Variants in RHBDL3 observed in about 807,000 individuals in gnomAD.
RHBDL3 encodes rhomboid like 3.
Under a neutral mutation model 48.2 loss-of-function variants are expected in RHBDL3, and 28 were observed. The observed-to-expected ratio is 0.58, with a 90% CI of 0.43 to 0.80. RHBDL3 has a LOEUF of 0.80. RHBDL3 is among the 30% of genes least tolerant of loss of function. The pLI is 0.00. For synonymous variants in RHBDL3, 208 were observed against 232.3 expected (o/e 0.90, Z 0.95); for missense variants, 464 against 542.7 (o/e 0.85, Z 1.44).
chr17:32,296,775 TTTTTA>T (rs140902896), intron 5 of RHBDL3, among the ~76,000 whole-genome samples: 53,999 of 140,870 alleles, frequency 0.38, 10,939 homozygotes, highest in Non-Finnish European at 0.43. Context: ...CCGTAGCTCT[TTTTTA>T]TTTTATTTTA....
chr17:32,284,916 C>T (rs2040158426), intron 3 of RHBDL3, 99 bp downstream of exon 3: 2 of 1,100,350 alleles, frequency 1.8e-6, no homozygotes, highest in Admixed American at 2.1e-5. Context: ...ATCTGTTGGC[C>T]TGCAGCATTG....
At chr17:32,300,523 C>T (rs1349446869) in intron 6 of RHBDL3, among the ~76,000 whole-genome samples, 2 of 152,046 alleles carry the variant, frequency 1.3e-5, no homozygotes, top group Non-Finnish European at 2.9e-5. Context: ...CACTGCACTC[C>T]AGCCTGGGTG....
chr17:32,295,186 G>A (rs2040419888), intron 5 of RHBDL3, among the ~76,000 whole-genome samples: 1 of 152,196 alleles, frequency 6.6e-6, no homozygotes, highest in Non-Finnish European at 1.5e-5. Flanking sequence ...GCCCTGGAGT[G>A]GGAACTGGGA....
intron 6 of RHBDL3, among the ~76,000 whole-genome samples, chr17:32,298,877 T>C (rs946623593): frequency 6.6e-6 from 1 of 152,158 alleles, no homozygotes; most frequent in Non-Finnish European, 1.5e-5. Context: ...TCATGGATAG[T>C]GGCCAGAGTG....
intron 8 of RHBDL3, 137 bp downstream of exon 8, chr17:32,316,429 A>G: frequency 3.1e-6 from 2 of 635,662 alleles, no homozygotes; most frequent in South Asian, 2.1e-5. Flanking sequence ...GCAAAAAAGT[A>G]GGGATATTGT....
At chr17:32,316,490 A>G (rs1045627135) in intron 8 of RHBDL3, among the ~76,000 whole-genome samples, 198 bp downstream of exon 8, 14 of 151,824 alleles carry the variant, frequency 9.2e-5, no homozygotes, top group Non-Finnish European at 2.1e-4. Flanking sequence ...TCTTTTATTT[A>G]TTTATCTATT....
At chr17:32,307,697 TTGCACA>T (rs963743349) in intron 7 of RHBDL3, among the ~76,000 whole-genome samples, 51 of 152,120 alleles carry the variant, frequency 3.4e-4, no homozygotes, top group African/African-American at 1.2e-3. Context: ...GCAGGTGTGT[TTGCACA>T]TGCACACACT....
chr17:32,314,556 G>A (rs2040924744), intron 7 of RHBDL3, among the ~76,000 whole-genome samples: 1 of 152,154 alleles, frequency 6.6e-6, no homozygotes, highest in African/African-American at 2.4e-5. Context: ...GCAAACAACA[G>A]CAAGAAGAAC....
intron 2 of RHBDL3, among the ~76,000 whole-genome samples, chr17:32,278,125 T>A (rs983024561): frequency 3.3e-5 from 5 of 151,990 alleles, no homozygotes; most frequent in African/African-American, 1.2e-4. Flanking sequence ...TGGTGAAACC[T>A]CGTCTCTACT....
In RHBDL3 at chr17:32,288,809, C is replaced by T; in HGVS notation, c.312C>T (p.Ser104=). Residue 104 remains serine, a synonymous_variant, in exon 4 of 9, where the codon TCC becomes TCT. Transcript: ENST00000269051. The part of the protein sequence containing the change: ...DFVSLMSNKR[S]NSFRQAILQG... ...CTGCACAGATGAGCAACAAGCGTTC[C>T]AACAGCTTCCGCCAAGCCATCCTGC... The T allele has an allele frequency of 6.2e-7, 1 of 1,612,484 alleles. No individual in the cohort carries two copies.
chr17:32,304,753 T>G (rs1215764462), intron 6 of RHBDL3, among the ~76,000 whole-genome samples: 1 of 152,176 alleles, frequency 6.6e-6, no homozygotes, highest in African/African-American at 2.4e-5. Context: ...GAATTTTACT[T>G]TGGGCAGGAC....
intron 2 of RHBDL3, among the ~76,000 whole-genome samples, chr17:32,272,880 G>C (rs539248755): frequency 6.6e-6 from 1 of 152,332 alleles, no homozygotes; most frequent in South Asian, 2.1e-4. Context: ...GGCCCTGACT[G>C]TGCAGCTACC....
intron 7 of RHBDL3, among the ~76,000 whole-genome samples, chr17:32,306,697 A>G (rs1331823188): frequency 6.6e-6 from 1 of 152,168 alleles, no homozygotes. Flanking sequence ...AGGTGGGCAG[A>G]TTGCATTGAG....
chr17:32,305,389 C>G lies in RHBDL3; in HGVS notation c.830C>G (p.Ser277Cys), dbSNP rs755042629. The G allele has an allele frequency of 6.2e-7, 1 of 1,613,954 alleles. No individual in the cohort carries two copies. The highest frequency in any genetic ancestry group is 2.2e-5 in the East Asian group (1 of 44,880). Residue 277 changes from serine to cysteine, a missense_variant, in exon 7 of 9, where the codon TCT (serine) becomes TGT (cysteine). By Grantham distance (112) the Ser-to-Cys change is moderately radical (BLOSUM62 -1). Coordinates refer to ENST00000269051, the MANE Select transcript of RHBDL3 (RefSeq NM_138328.3). ...VADMTAPVVG[S>C]SGGVYALVSA... ...GACATGACCGCTCCAGTCGTGGGCT[C>G]TTCTGGAGGGGTGTATGCTCTCGTC...
intron 2 of RHBDL3, among the ~76,000 whole-genome samples, chr17:32,272,683 C>T (rs551583284): frequency 6.6e-6 from 1 of 152,238 alleles, no homozygotes; most frequent in Non-Finnish European, 1.5e-5. Context: ...TGACATTAAC[C>T]CTTTTATTCC....
At chr17:32,267,462 A>G (rs1479658403) in intron 1 of RHBDL3, among the ~76,000 whole-genome samples, 1 of 150,446 alleles carries the variant, frequency 6.6e-6, no homozygotes, top group African/African-American at 2.5e-5. Flanking sequence ...AGCTCCCAGC[A>G]GGTGAGACTC....
intron 4 of RHBDL3, 30 bp from the exon 5 acceptor site, chr17:32,294,264 C>G: frequency 6.2e-7 from 1 of 1,607,016 alleles, no homozygotes; most frequent in African/African-American, 1.3e-5. Flanking sequence ...CAGTGTGCAC[C>G]TAGTAACAGA....
At chr17:32,310,954 C>A (rs1042019592) in intron 7 of RHBDL3, among the ~76,000 whole-genome samples, 16 of 151,042 alleles carry the variant, frequency 1.1e-4, no homozygotes, top group African/African-American at 3.9e-4. Flanking sequence ...AATCAACTCC[C>A]TAATTTATCT....
rs11348841 is a variant in RHBDL3 at position 32,310,883 on chromosome 17, C to CAAAAAAA, written c.883-5335_883-5329dup. ...TGGGCGACAGAGTCAGGCTCCATCT[C>CAAAAAAA]AAAAAAAAAAAAAAAAAAAAGGTTT... On this transcript the variant is annotated intron_variant, in intron 7 of 8. Coordinates refer to ENST00000269051, the MANE Select transcript of RHBDL3 (RefSeq NM_138328.3). Among the ~76,000 whole-genome samples the CAAAAAAA allele has an allele frequency of 6.4e-3, 356 of 55,386 alleles. 12 individuals are homozygous for CAAAAAAA. Among genetic ancestry groups the CAAAAAAA allele is most frequent in the Middle Eastern group, 0.019 (2 of 108 alleles). The allele number at this position is 55,386 out of a possible 152,430, so 36.3% of individuals were successfully genotyped here. A position where few individuals can be genotyped will look rare whatever the true frequency, so the allele number is the denominator to read the frequency against.
Sources: gnomAD v4.1 joint callset for allele counts (sites outside exome capture counted in the v4.1 genomes callset) on GRCh38, gnomAD v4.1.1 for gene constraint, MANE v1.5 for transcripts, NCBI Gene and HGNC (gene_info 2026-07-23, HGNC 2026-07-21) for gene names.